The following EML6 variants were observed in gnomAD, a reference collection of about 807,000 sequenced individuals.
EML6 encodes echinoderm microtubule-associated protein-like 6.
EML6 carries 154 observed loss-of-function variants against 240.1 expected under a neutral mutation model. That is an observed-to-expected ratio of 0.64 (90% CI 0.56 to 0.73). The LOEUF (loss-of-function observed/expected upper bound fraction) is 0.73, where lower values mean the gene tolerates loss of function less well. EML6 is among the 30% of genes least tolerant of loss of function. The pLI, the probability that EML6 is intolerant of heterozygous loss-of-function variation, is 0.00. For synonymous variants in EML6, 1,148 were observed against 899.0 expected (o/e 1.28, Z -4.95); for missense variants, 2,964 against 2,474.6 (o/e 1.20, Z -4.20).
intron 5 of EML6, among the ~76,000 whole-genome samples, chr2:54,823,876 C>G (rs921776188): frequency 3.5e-5 from 5 of 142,010 alleles, no homozygotes; most frequent in Admixed American, 2.1e-4. Flanking sequence ...CTCTCTCTCT[C>G]TTTCTGTCTC....
At chr2:54,811,425 G>A (rs899708176) in intron 2 of EML6, among the ~76,000 whole-genome samples, 3 of 152,128 alleles carry the variant, frequency 2.0e-5, no homozygotes, top group Admixed American at 6.5e-5. Context: ...ATATGAACTC[G>A]TGTCTTCCCT....
intron 28 of EML6, among the ~76,000 whole-genome samples, chr2:54,938,711 C>T (rs988561727): frequency 2.0e-5 from 3 of 152,222 alleles, no homozygotes; most frequent in Non-Finnish European, 4.4e-5. Flanking sequence ...GTCTGAGGTT[C>T]TCTTCAGCAC....
At chr2:54,948,153 AC>A (rs1404714592) in intron 28 of EML6, among the ~76,000 whole-genome samples, 1 of 152,084 alleles carries the variant, frequency 6.6e-6, no homozygotes, top group Non-Finnish European at 1.5e-5. Context: ...GAACTGGCGT[AC>A]TCCTCTAGGA....
intron 32 of EML6, among the ~76,000 whole-genome samples, chr2:54,955,519 A>C (rs1676191168): frequency 6.6e-6 from 1 of 152,158 alleles, no homozygotes. Context: ...AAATTGCTTC[A>C]TTATATGTTT....
At chr2:54,863,761 C>A (rs1670805937) in intron 12 of EML6, 22 bp from the exon 13 acceptor site, 3 of 1,365,978 alleles carry the variant, frequency 2.2e-6, no homozygotes, top group Non-Finnish European at 2.0e-6. Context: ...TTGCTTGTTT[C>A]TTGTGGGTTG....
At chr2:54,954,502 GCT>G (rs1290292031) in intron 32 of EML6, among the ~76,000 whole-genome samples, 1 of 152,170 alleles carries the variant, frequency 6.6e-6, no homozygotes, top group Admixed American at 6.5e-5. Context: ...TGTCTTCCGT[GCT>G]CTTTCTGATG....
intron 2 of EML6, among the ~76,000 whole-genome samples, chr2:54,770,004 C>A (rs893645424): frequency 2.6e-5 from 4 of 152,084 alleles, no homozygotes; most frequent in Admixed American, 6.6e-5. Context: ...GAATTTTAGA[C>A]TTGACTGAAT....
At chr2:54,948,181 A>G (rs547531881) in intron 28 of EML6, among the ~76,000 whole-genome samples, 2 of 152,316 alleles carry the variant, frequency 1.3e-5, no homozygotes, top group Admixed American at 1.3e-4. Context: ...TAGGGCTTAC[A>G]CATTATAAAA....
chr2:54,794,271 C>G (rs1369966679), intron 2 of EML6, among the ~76,000 whole-genome samples: 2 of 152,176 alleles, frequency 1.3e-5, no homozygotes, highest in African/African-American at 4.8e-5. Context: ...GCCTATTCAT[C>G]TTTACTCAAG....
intron 2 of EML6, among the ~76,000 whole-genome samples, chr2:54,797,941 G>T (rs551302416): frequency 6.6e-6 from 1 of 152,026 alleles, no homozygotes; most frequent in African/African-American, 2.4e-5. Context: ...TAAGTTCATT[G>T]TTTTTCAAGG....
At chr2:54,894,163 A>C (rs1386218135) in intron 19 of EML6, among the ~76,000 whole-genome samples, 4 of 151,896 alleles carry the variant, frequency 2.6e-5, no homozygotes, top group African/African-American at 9.7e-5. Flanking sequence ...TTAAATTAAA[A>C]GTTGCTAAGA....
Position 54,859,552 on chromosome 2 carries a change from A to T in EML6, c.1676A>T (p.Tyr559Phe), listed in dbSNP as rs151096494. 41 of 1,550,640 alleles carry T rather than the reference A, an allele frequency of 2.6e-5. No individual in the cohort carries two copies. In the East Asian group the frequency reaches 9.5e-4, roughly 36 times the overall value. The change falls in exon 12 of 42, where the codon TAT becomes TTT. Residue 559 changes from tyrosine to phenylalanine, a missense_variant. Transcript: ENST00000356458. Reference protein sequence around the residue: ...CLKRGAKFRKYVGHSAHVTNV... With the variant: ...CLKRGAKFRKFVGHSAHVTNV... ...CTTTCAGGAGCCAAATTTAGAAAGT[A>T]TGTGGGCCATTCTGCACATGTCACA...
chr2:54,828,566 A>G (rs775492076), intron 6 of EML6, among the ~76,000 whole-genome samples: 2 of 152,248 alleles, frequency 1.3e-5, no homozygotes, highest in African/African-American at 2.4e-5. Flanking sequence ...TCTTAGAGCT[A>G]TGACATTTCA....
intron 9 of EML6, among the ~76,000 whole-genome samples, chr2:54,849,158 A>G (rs1471796187): frequency 1.3e-5 from 2 of 152,230 alleles, no homozygotes; most frequent in African/African-American, 4.8e-5. Flanking sequence ...GATACATAAT[A>G]GATACACATA....
At chr2:54,908,013 G>A (rs984396359) in intron 24 of EML6, among the ~76,000 whole-genome samples, 1 of 151,050 alleles carries the variant, frequency 6.6e-6, no homozygotes, top group South Asian at 2.1e-4. Flanking sequence ...ATCACAGCAG[G>A]CAGAGAGAAA....
intron 19 of EML6, 33 bp downstream of exon 19, chr2:54,892,689 A>G: frequency 6.6e-7 from 1 of 1,505,616 alleles, no homozygotes; most frequent in Non-Finnish European, 9.0e-7. Flanking sequence ...CATTTTCCTC[A>G]TCAGCCTTCT....
chr2:54,900,599 G>A (rs1332021216), intron 22 of EML6, among the ~76,000 whole-genome samples: 1 of 152,180 alleles, frequency 6.6e-6, no homozygotes, highest in Non-Finnish European at 1.5e-5. Flanking sequence ...CTGATAGCAG[G>A]GGACTCTGCC....
At chr2:54,879,705 T>G (rs543936419) in intron 17 of EML6, 65 bp downstream of exon 17, 7 of 960,804 alleles carry the variant, frequency 7.3e-6, no homozygotes, top group Non-Finnish European at 1.1e-5. Context: ...GTCAATAGTT[T>G]TCATTTTCTG....
At chr2:54,956,723 G>A (rs1676251711) in intron 32 of EML6, among the ~76,000 whole-genome samples, 1 of 152,078 alleles carries the variant, frequency 6.6e-6, no homozygotes, top group African/African-American at 2.4e-5. Flanking sequence ...CCACCATCAT[G>A]GTACTAGAAA....
Sources: gnomAD v4.1 joint callset for allele counts (sites outside exome capture counted in the v4.1 genomes callset) on GRCh38, gnomAD v4.1.1 for gene constraint, MANE v1.5 for transcripts, NCBI Gene and HGNC (gene_info 2026-07-23, HGNC 2026-07-21) for gene names.